MYO6: variants seen among roughly 807,000 people sequenced by gnomAD.
The protein encoded by MYO6 is myosin VI.
In MYO6, 74 loss-of-function variants were observed where a neutral mutation model predicts 178.7. The ratio of observed to expected loss-of-function variants is 0.41; its 90% CI spans 0.34 to 0.50. The LOEUF (loss-of-function observed/expected upper bound fraction) is 0.50, where lower values mean the gene tolerates loss of function less well. Among genes scored for constraint, MYO6 ranks in the 20% least tolerant of loss-of-function variants. The probability of loss-of-function intolerance (pLI) is 0.09; values close to 1 mark genes in which losing one functional copy is unlikely to be tolerated. For missense variants in MYO6, 1,330 were observed against 1,547.4 expected, an observed-to-expected ratio of 0.86 and a Z score of 2.36; for synonymous variants, 477 against 504.6, an observed-to-expected ratio of 0.95 and a Z score of 0.73.
chr6:75,851,009 C>A (rs1345729076), intron 11 of MYO6, among the ~76,000 whole-genome samples: 3 of 151,686 alleles, frequency 2.0e-5, no homozygotes, highest in Non-Finnish European at 4.4e-5. Context: ...TGTTAGCATA[C>A]ATTTCATTTG....
At chr6:75,806,916 G>A (rs1241508576) in intron 1 of MYO6, among the ~76,000 whole-genome samples, 1 of 151,870 alleles carries the variant, frequency 6.6e-6, no homozygotes, top group Non-Finnish European at 1.5e-5. Context: ...CTATATTTCT[G>A]TGTGTGTGTG....
At chr6:75,868,286 G>A (rs2149315847) in intron 18 of MYO6, among the ~76,000 whole-genome samples, 2 of 151,728 alleles carry the variant, frequency 1.3e-5, no homozygotes, top group South Asian at 4.2e-4. Flanking sequence ...ATTATTATGA[G>A]TTTCTGATTC....
intron 1 of MYO6, among the ~76,000 whole-genome samples, chr6:75,816,561 G>A (rs1400285093): frequency 1.3e-5 from 2 of 152,160 alleles, no homozygotes; most frequent in African/African-American, 4.8e-5. Flanking sequence ...TCGTCAACTT[G>A]TATACTTAGA....
At chr6:75,884,430 A>G (rs898631600) in intron 23 of MYO6, among the ~76,000 whole-genome samples, 1 of 152,198 alleles carries the variant, frequency 6.6e-6, no homozygotes, top group African/African-American at 2.4e-5. Flanking sequence ...GGGAGGTAGC[A>G]GTGTAGCATA....
intron 1 of MYO6, among the ~76,000 whole-genome samples, chr6:75,757,375 A>T (rs562947980): frequency 1.3e-5 from 2 of 149,094 alleles, no homozygotes; most frequent in East Asian, 4.0e-4. Context: ...GTGTGTGTGT[A>T]TATATATGTA....
At chr6:75,875,416 A>G (rs1022646432) in intron 20 of MYO6, among the ~76,000 whole-genome samples, 3 of 152,108 alleles carry the variant, frequency 2.0e-5, no homozygotes, top group African/African-American at 7.2e-5. Context: ...CTGGAACTAG[A>G]GGCATGTGCC....
At chr6:75,861,307 A>G (rs1399638055) in intron 15 of MYO6, among the ~76,000 whole-genome samples, 3 of 152,132 alleles carry the variant, frequency 2.0e-5, no homozygotes, top group Admixed American at 1.3e-4. Flanking sequence ...AATCTCTTCT[A>G]TTTATTTTGA....
Position 75,886,572 on chromosome 6 carries a change from G to A in MYO6, c.2508-272G>A, listed in dbSNP as rs72654793. 0.013 allele frequency among the ~76,000 whole-genome samples: 1,994 copies of A among 152,060 alleles called. 74 individuals are homozygous for A. In the East Asian group the frequency reaches 0.15, roughly 11 times the overall value. On this transcript the variant is annotated intron_variant, in intron 24 of 34. Transcript: ENST00000369977. ...AATTGGAAGTCTGAATATCTCTATT[G>A]ATCCATCACACCTTTTCAAAGAGAC... is the stretch of plus-strand genomic sequence containing the variant.
intron 1 of MYO6, among the ~76,000 whole-genome samples, chr6:75,781,102 C>T (rs1167033469): frequency 2.0e-5 from 3 of 152,014 alleles, no homozygotes; most frequent in East Asian, 1.9e-4. Flanking sequence ...CATAAGCCAC[C>T]GTGCCCAGCC....
At chr6:75,787,720 CTCTCTCTCTCTATATATA>C (rs1238680230) in intron 1 of MYO6, among the ~76,000 whole-genome samples, 71 of 34,472 alleles carry the variant, frequency 2.1e-3, no homozygotes, top group East Asian at 3.5e-3. Context: ...CTCTCTCTCT[CTCTCTCTCTCTATATATA>C]TATATATATA....
rs761672847 is a variant in MYO6 at position 75,761,434 on chromosome 6, G to C, written c.-48+12011G>C. Among the ~76,000 whole-genome samples the C allele has an allele frequency of 3.9e-4, 60 of 152,120 alleles. 1 individual carries two copies. The highest frequency in any genetic ancestry group is 4.1e-4 in the South Asian group (2 of 4,832). On this transcript the variant is annotated intron_variant, in intron 1 of 34. Transcript: ENST00000369977. ...AGAATTTAATTTTATATTTTATAGG[G>C]ATGCATTCTACTAATAAGCCTTTTT...
chr6:75,888,107 T>G (rs1434046153), intron 25 of MYO6, among the ~76,000 whole-genome samples: 1 of 151,382 alleles, frequency 6.6e-6, no homozygotes, highest in Non-Finnish European at 1.5e-5. Flanking sequence ...CCAGCCAACA[T>G]AGTGAATCGC....
intron 10 of MYO6, among the ~76,000 whole-genome samples, chr6:75,845,742 T>C (rs1168649750): frequency 2.0e-5 from 3 of 151,988 alleles, no homozygotes; most frequent in African/African-American, 4.8e-5. Flanking sequence ...CCCAGCACTT[T>C]GGGAGGCTGA....
chr6:75,777,473 G>A (rs953589000), intron 1 of MYO6, among the ~76,000 whole-genome samples: 1 of 151,258 alleles, frequency 6.6e-6, no homozygotes, highest in Non-Finnish European at 1.5e-5. Context: ...TGTCACCTGG[G>A]CTACAGTGCA....
At chr6:75,804,938 C>T (rs1769870766) in intron 1 of MYO6, among the ~76,000 whole-genome samples, 1 of 141,188 alleles carries the variant, frequency 7.1e-6, no homozygotes, top group East Asian at 2.1e-4. Context: ...CACATATATA[C>T]ATATATACAC....
chr6:75,754,927 A>G (rs981329335), intron 1 of MYO6, among the ~76,000 whole-genome samples: 1 of 152,086 alleles, frequency 6.6e-6, no homozygotes, highest in African/African-American at 2.4e-5. Context: ...GGAAATGGAG[A>G]CTCAAAAAAT....
chr6:75,797,089 TA>T (rs1768926199), intron 1 of MYO6, among the ~76,000 whole-genome samples: 4 of 151,952 alleles, frequency 2.6e-5, no homozygotes, highest in African/African-American at 9.7e-5. Flanking sequence ...TTTATTTATT[TA>T]TTTAATTTTA....
At chr6:75,896,932 A>G (rs1289291900) in intron 29 of MYO6, among the ~76,000 whole-genome samples, 3 of 152,268 alleles carry the variant, frequency 2.0e-5, no homozygotes, top group African/African-American at 7.2e-5. Flanking sequence ...GAAGGAAGAA[A>G]GCACCTGGGT....
chr6:75,785,219 A>G (rs1399634091), intron 1 of MYO6, among the ~76,000 whole-genome samples: 2 of 152,154 alleles, frequency 1.3e-5, no homozygotes, highest in Non-Finnish European at 2.9e-5. Flanking sequence ...TACAAGTTAC[A>G]TTGGTTTTAT....
Sources: gnomAD v4.1 joint callset for allele counts (sites outside exome capture counted in the v4.1 genomes callset) on GRCh38, gnomAD v4.1.1 for gene constraint, MANE v1.5 for transcripts, NCBI Gene and HGNC (gene_info 2026-07-23, HGNC 2026-07-21) for gene names.